UBXN8: variants seen among roughly 807,000 people sequenced by gnomAD.
The protein encoded by UBXN8 is UBX domain-containing protein 8.
UBXN8 carries 27 observed loss-of-function variants against 32.1 expected under a neutral mutation model. The ratio of observed to expected loss-of-function variants is 0.84; its 90% CI spans 0.62 to 1.16. The LOEUF is 1.16. Ranked by LOEUF, UBXN8 falls within the 50% of genes most tolerant of loss-of-function variation. UBXN8 has a pLI of 0.00. For synonymous variants in UBXN8, 109 were observed against 111.8 expected (o/e 0.98, Z 0.16); for missense variants, 306 against 311.4 (o/e 0.98, Z 0.13).
intron 7 of UBXN8, among the ~76,000 whole-genome samples, chr8:30,764,785 C>T (rs1478421691): frequency 1.3e-5 from 2 of 152,188 alleles, no homozygotes; most frequent in Non-Finnish European, 2.9e-5. Context: ...GGTACCATGG[C>T]TCACGCCTGT....
intron 5 of UBXN8, among the ~76,000 whole-genome samples, chr8:30,760,312 C>T (rs894187298): frequency 4.7e-5 from 7 of 150,166 alleles, no homozygotes; most frequent in South Asian, 4.2e-4. Context: ...CCACCTGCCT[C>T]GGCCTCCCAG....
chr8:30,747,367 G>A (rs1418419472), intron 1 of UBXN8, among the ~76,000 whole-genome samples: 1 of 110,648 alleles, frequency 9.0e-6, no homozygotes, highest in Non-Finnish European at 1.7e-5. Flanking sequence ...CAGGAGTGCA[G>A]TGGCACAATC....
intron 1 of UBXN8, among the ~76,000 whole-genome samples, chr8:30,744,656 C>G (rs1169022004): frequency 6.6e-6 from 1 of 152,210 alleles, no homozygotes; most frequent in Non-Finnish European, 1.5e-5. Flanking sequence ...AGGCTGGTCT[C>G]GAACTCCTGG....
chr8:30,748,741 G>A (rs1364402949), intron 1 of UBXN8, among the ~76,000 whole-genome samples: 1 of 151,970 alleles, frequency 6.6e-6, no homozygotes, highest in Non-Finnish European at 1.5e-5. Context: ...AGGTTTCACC[G>A]TGTTGGCCAG....
intron 4 of UBXN8, 46 bp from the exon 5 acceptor site, chr8:30,756,719 T>C (rs1251251366): frequency 6.8e-6 from 11 of 1,610,126 alleles, no homozygotes; most frequent in Admixed American, 5.1e-5. Flanking sequence ...TAGAATAAAG[T>C]TGATAGAAAA....
intron 6 of UBXN8, chr8:30,763,071 C>T: frequency 1.8e-6 from 1 of 541,890 alleles, no homozygotes; most frequent in East Asian, 3.1e-5. Context: ...GTCTCAAACT[C>T]CTGGCCTCAA....
At chr8:30,739,329 T>C (rs60867272), upstream of UBXN8, among the ~76,000 whole-genome samples, 29,916 of 149,602 alleles carry the variant, frequency 0.2, 4,227 homozygotes, top group African/African-American at 0.33. Context: ...TGGATCACGA[T>C]GTCAGGAGAT....
upstream of UBXN8, among the ~76,000 whole-genome samples, chr8:30,739,808 G>C (rs964100247): frequency 6.6e-6 from 1 of 152,176 alleles, no homozygotes; most frequent in Non-Finnish European, 1.5e-5. Flanking sequence ...CTTATCCAAA[G>C]AGTACATTTT....
At chr8:30,758,663 G>A (rs1466368812) in intron 5 of UBXN8, among the ~76,000 whole-genome samples, 1 of 152,084 alleles carries the variant, frequency 6.6e-6, no homozygotes, top group Non-Finnish European at 1.5e-5. Context: ...TGAACTAAAC[G>A]GACTGATTAA....
At chr8:30,749,608 C>T (rs199900838) in intron 1 of UBXN8, among the ~76,000 whole-genome samples, 2 of 115,058 alleles carry the variant, frequency 1.7e-5, no homozygotes, top group Admixed American at 9.1e-5. Context: ...TTCTTTTTTT[C>T]TTTTTTTTTT....
intron 1 of UBXN8, among the ~76,000 whole-genome samples, chr8:30,746,632 C>G (rs547809158): frequency 7.3e-6 from 1 of 137,582 alleles, no homozygotes; most frequent in Admixed American, 7.3e-5. Context: ...CAGCGATTCT[C>G]CTGCCTTAGC....
intron 1 of UBXN8, among the ~76,000 whole-genome samples, chr8:30,750,450 C>T (rs1201764894): frequency 1.3e-5 from 2 of 151,914 alleles, no homozygotes. Context: ...ACTCCAGCAG[C>T]CTGGGTGGCA....
chr8:30,747,894 CTT>C (rs67334347), intron 1 of UBXN8, among the ~76,000 whole-genome samples: 429 of 35,582 alleles, frequency 0.012, 2 homozygotes, highest in African/African-American at 0.042. Flanking sequence ...TATATTTTTT[CTT>C]TTTTTTTTTT....
At chr8:30,753,381 C>T (rs563170778) in intron 3 of UBXN8, among the ~76,000 whole-genome samples, 2 of 152,090 alleles carry the variant, frequency 1.3e-5, no homozygotes, top group African/African-American at 4.8e-5. Context: ...CTCTGCCTCC[C>T]GAGTAGCTGG....
chr8:30,731,352 C>A (rs1804953097), upstream of UBXN8, among the ~76,000 whole-genome samples: 1 of 152,184 alleles, frequency 6.6e-6, no homozygotes, highest in African/African-American at 2.4e-5. Flanking sequence ...TCCAAAAAGA[C>A]TATTGACATC....
chr8:30,758,775 T>C (rs1288479608), intron 5 of UBXN8, among the ~76,000 whole-genome samples: 1 of 152,202 alleles, frequency 6.6e-6, no homozygotes, highest in East Asian at 1.9e-4. Flanking sequence ...ACAAATGAGT[T>C]ATTTAGCAAA....
intron 5 of UBXN8, among the ~76,000 whole-genome samples, chr8:30,758,885 GTTTTTTTTGTTTT>G (rs1805738937): frequency 4.1e-5 from 4 of 96,976 alleles, no homozygotes; most frequent in African/African-American, 1.2e-4. Flanking sequence ...TTTTTTGTTT[GTTTTTTTTGTTTT>G]TTTTTTTTTT....
chr8:30,762,656 G>A (rs1172655001), intron 6 of UBXN8, among the ~76,000 whole-genome samples: 1 of 152,130 alleles, frequency 6.6e-6, no homozygotes, highest in Non-Finnish European at 1.5e-5. Flanking sequence ...GCCCCCCAAA[G>A]TGCTGGGATT....
At chr8:30,748,541 GT>G (rs1211600877) in intron 1 of UBXN8, among the ~76,000 whole-genome samples, 2 of 150,736 alleles carry the variant, frequency 1.3e-5, no homozygotes, top group African/African-American at 4.9e-5. Context: ...GTCTATATAT[GT>G]TTTTTTCTTT....
Sources: gnomAD v4.1 joint callset for allele counts (sites outside exome capture counted in the v4.1 genomes callset) on GRCh38, gnomAD v4.1.1 for gene constraint, MANE v1.5 for transcripts, NCBI Gene and HGNC (gene_info 2026-07-23, HGNC 2026-07-21) for gene names.